The following KLF8 variants were observed in gnomAD, a reference collection of about 807,000 sequenced individuals.
The protein encoded by KLF8 is KLF transcription factor 8, also known as Krueppel-like factor 8.
KLF8 carries 10 observed loss-of-function variants against 18.2 expected under a neutral mutation model. The observed-to-expected ratio is 0.55, with a 90% CI of 0.34 to 0.93. The LOEUF (loss-of-function observed/expected upper bound fraction) is 0.93. Ranked by LOEUF, KLF8 falls within the 40% of genes least tolerant of loss-of-function variation. The pLI is 0.02. For synonymous variants in KLF8, 109 were observed against 97.3 expected (o/e 1.12, Z -0.71); for missense variants, 264 against 277.9 (o/e 0.95, Z 0.36).
At chrX:56,090,476 A>AATT in the KLF8 span, among the ~76,000 whole-genome samples, 1 of 112,182 alleles carries the variant, frequency 8.9e-6, no homozygotes, top group Non-Finnish European at 1.9e-5. Flanking sequence ...GAATTATTAA[A>AATT]CCAGGAATTT....
At chrX:56,079,541 T>A in the KLF8 span, among the ~76,000 whole-genome samples, 1 of 111,738 alleles carries the variant, frequency 8.9e-6, no homozygotes, top group East Asian at 2.8e-4. Context: ...TTACATTTGC[T>A]GAGGAGAGCT....
chrX:56,125,215 G>T, the KLF8 span, among the ~76,000 whole-genome samples: 1 of 111,798 alleles, frequency 8.9e-6, no homozygotes, highest in Non-Finnish European at 1.9e-5. Flanking sequence ...CATCCTCATA[G>T]CCTAGAGACA....
the KLF8 span, among the ~76,000 whole-genome samples, chrX:55,978,554 G>T: frequency 9.0e-6 from 1 of 111,339 alleles, no homozygotes; most frequent in Non-Finnish European, 1.9e-5. Flanking sequence ...GATGAGTTTT[G>T]GTGAAAGTAG....
the KLF8 span, among the ~76,000 whole-genome samples, chrX:56,173,693 A>G: frequency 2.7e-5 from 3 of 111,715 alleles, no homozygotes; most frequent in Admixed American, 1.9e-4. Flanking sequence ...CTTGGGCATT[A>G]TGGCCATTTT....
chrX:56,137,915 A>G, the KLF8 span, among the ~76,000 whole-genome samples: 3 of 109,147 alleles, frequency 2.7e-5, no homozygotes, highest in Non-Finnish European at 5.7e-5. Context: ...CAAAACTAAA[A>G]TTTAGCTCTT....
intron 5 of KLF8, among the ~76,000 whole-genome samples, chrX:56,276,839 C>G (rs993543257): frequency 1.8e-5 from 2 of 111,206 alleles, no homozygotes; most frequent in East Asian, 5.6e-4. Flanking sequence ...ATATTTCTAC[C>G]CCTATCTCTT....
At chrX:56,259,791 T>C (rs1191254945) in intron 2 of KLF8, among the ~76,000 whole-genome samples, 1 of 111,362 alleles carries the variant, frequency 9.0e-6, no homozygotes, top group East Asian at 2.8e-4. Flanking sequence ...TACTTTAAAA[T>C]TATTTAAATA....
At chrX:56,177,502 A>C in the KLF8 span, among the ~76,000 whole-genome samples, 1 of 110,786 alleles carries the variant, frequency 9.0e-6, no homozygotes, top group Non-Finnish European at 1.9e-5. Context: ...TGAGGTGTCC[A>C]TCTGCCCCTA....
the KLF8 span, among the ~76,000 whole-genome samples, chrX:55,937,702 A>G: frequency 8.9e-6 from 1 of 112,651 alleles, no homozygotes; most frequent in African/African-American, 3.2e-5. Flanking sequence ...ACTGAAAACC[A>G]TGGCATGAGA....
At chrX:56,260,876 A>G (rs912798425) in intron 2 of KLF8, among the ~76,000 whole-genome samples, 2 of 111,829 alleles carry the variant, frequency 1.8e-5, no homozygotes, top group African/African-American at 6.5e-5. Context: ...TCGTGTTTCT[A>G]TAACATCCCT....
At chrX:55,974,153 A>G in the KLF8 span, among the ~76,000 whole-genome samples, 2 of 111,252 alleles carry the variant, frequency 1.8e-5, no homozygotes, top group African/African-American at 6.5e-5. Context: ...ATGGATAAAA[A>G]GAAGGGAATT....
At chrX:55,958,309 T>G in the KLF8 span, among the ~76,000 whole-genome samples, 1 of 112,054 alleles carries the variant, frequency 8.9e-6, no homozygotes, top group Admixed American at 9.4e-5. Context: ...ATTATTTCCT[T>G]TATAAGAAGT....
chrX:55,988,891 G>T, the KLF8 span, among the ~76,000 whole-genome samples: 2 of 111,405 alleles, frequency 1.8e-5, no homozygotes, highest in Non-Finnish European at 3.8e-5. Flanking sequence ...GCAGTGGTTT[G>T]TAGTTCTCCT....
At chrX:56,126,775 C>T in the KLF8 span, among the ~76,000 whole-genome samples, 53 of 83,801 alleles carry the variant, frequency 6.3e-4, no homozygotes, top group Middle Eastern at 9.6e-3. Context: ...TTTTTTGAGA[C>T]GAAGTCTCGC....
chrX:56,063,631 G>T, the KLF8 span, among the ~76,000 whole-genome samples: 327 of 111,819 alleles, frequency 2.9e-3, no homozygotes, highest in African/African-American at 0.01. Context: ...AGACATGGGC[G>T]TCAGGGACCC....
the KLF8 span, among the ~76,000 whole-genome samples, chrX:55,984,614 G>C: frequency 9.0e-6 from 1 of 111,271 alleles, no homozygotes; most frequent in African/African-American, 3.3e-5. Flanking sequence ...TAACAGAATG[G>C]TCTATATTCC....
At chrX:56,002,243 C>T in the KLF8 span, among the ~76,000 whole-genome samples, 2 of 111,823 alleles carry the variant, frequency 1.8e-5, no homozygotes, top group East Asian at 5.6e-4. Context: ...CTGGTATTCT[C>T]TTTGCTAACC....
At position 56,291,179 on chromosome X, in the gene KLF8, A is replaced by C. The variant is rs191157140; in HGVS notation, c.*6685A>C. On this transcript the variant is annotated 3_prime_UTR_variant, in exon 6 of 6. Transcript: ENST00000468660. ...TTGTCATTGTTAGTTTGTTTAAATA[A>C]ATTATAAGACAGTATATTAAGCTTT... Among the ~76,000 whole-genome samples, 8 of 111,889 alleles carry C rather than the reference A, an allele frequency of 7.1e-5. No individual in the cohort carries two copies. Among genetic ancestry groups the C allele is most frequent in the Admixed American group, 1.9e-4 (2 of 10,533 alleles).
At chrX:56,117,126 AG>A in the KLF8 span, among the ~76,000 whole-genome samples, 2 of 111,120 alleles carry the variant, frequency 1.8e-5, no homozygotes, top group East Asian at 5.6e-4. Flanking sequence ...ATTTTAAAAA[AG>A]AAGGGAAAAA....
Sources: gnomAD v4.1 joint callset for allele counts (sites outside exome capture counted in the v4.1 genomes callset) on GRCh38, gnomAD v4.1.1 for gene constraint, MANE v1.5 for transcripts, NCBI Gene and HGNC (gene_info 2026-07-23, HGNC 2026-07-21) for gene names.